Variants in CIC observed in about 807,000 individuals in gnomAD.
The protein encoded by CIC is protein capicua homolog.
CIC carries 18 observed loss-of-function variants against 115.7 expected under a neutral mutation model. The observed-to-expected ratio is 0.16, with a 90% CI of 0.11 to 0.23. CIC has a LOEUF of 0.23. Ranked by LOEUF, CIC falls within the 10% of genes least tolerant of loss-of-function variation. The pLI, the probability that CIC is intolerant of heterozygous loss-of-function variation, is 1.00. For missense variants in CIC, 2,000 were observed against 2,159.3 expected (o/e 0.93, Z 1.46); for synonymous variants, 1,076 against 923.0 (o/e 1.17, Z -3.01).
chr19:42,294,978 GC>G lies in CIC; in HGVS notation c.7347del (p.Thr2450LeufsTer79). The stretch of plus-strand genomic sequence containing the variant: ...GAGCTGAGGCTCCTCTCCCTGTACC[GC>G]CCCCCACTGGCACCGCTGCTGCCCC... ...PGAEAPLPVP[P>X]PTGTAAAPAP... On this transcript the variant is annotated frameshift_variant, in exon 21 of 21. Coordinates refer to ENST00000681038, the MANE Select transcript of CIC (RefSeq NM_001386298.1). LOFTEE classifies it high-confidence loss of function. 2.5e-6 allele frequency: 4 copies of G among 1,597,326 alleles called. No individual in the cohort carries two copies. The highest frequency in any genetic ancestry group is 1.7e-6 in the Non-Finnish European group (2 of 1,179,036).
chr19:42,274,045 C>T lies in CIC; in HGVS notation c.2262C>T (p.His754=). Residue 754 remains histidine, a synonymous_variant, in exon 2 of 21, where the codon CAC becomes CAT. Coordinates refer to ENST00000681038, the MANE Select transcript of CIC (RefSeq NM_001386298.1). ...ACTCTGGTGTGGACTCAGTGTCCCA[C>T]ACACCTACACCCTCCACGCCGGCTG... ...SLDSGVDSVS[H]TPTPSTPAGF... is the part of the protein sequence containing the mutation. 2.5e-6 allele frequency: 1 copy of T among 398,862 alleles called. No homozygotes were observed. Among genetic ancestry groups the T allele is most frequent in the Non-Finnish European group, 4.4e-6 (1 of 226,182 alleles). The allele number at this position is 398,862 out of a possible 1,614,324, so 24.7% of individuals were successfully genotyped here. A position where few individuals can be genotyped will look rare whatever the true frequency, so the allele number is the denominator to read the frequency against.
chr19:42,278,557 C>T (rs1330056993), intron 2 of CIC, among the ~76,000 whole-genome samples: 1 of 152,182 alleles, frequency 6.6e-6, no homozygotes, highest in East Asian at 1.9e-4. Context: ...TTTCAGCCCA[C>T]CCTCTTTCTG....
chr19:42,274,179 T>C lies in CIC; in HGVS notation c.2396T>C (p.Val799Ala). 2.5e-6 allele frequency: 1 copy of C among 399,092 alleles called. No individual in the cohort carries two copies. Among genetic ancestry groups the C allele is most frequent in the South Asian group, 1.3e-4 (1 of 7,904 alleles). 24.7% of individuals were successfully genotyped at this position (399,092 alleles called of 1,614,324 possible). A position where few individuals can be genotyped will look rare whatever the true frequency, so the allele number is the denominator to read the frequency against. Residue 799 changes from valine to alanine, a missense_variant, in exon 2 of 21, where the codon GTG becomes GCG. Around this residue, in one of 8 missense-constraint regions of CIC, gnomAD observed 222 missense variants for 247.7 expected, o/e 0.90. Transcript: ENST00000681038. ...CTGACCTCGGATCCAGGGCCCTCTGTGCGCAGGGTGCCTGCTGTGCAGCGG... is the reference window on the plus strand; with the variant it reads ...CTGACCTCGGATCCAGGGCCCTCTGCGCGCAGGGTGCCTGCTGTGCAGCGG... The part of the protein sequence containing the change: ...AGLTSDPGPS[V>A]RRVPAVQRDS...
Position 42,289,836 on chromosome 19 carries a change from C to T in CIC, c.4088-12C>T. On this transcript the variant is annotated splice_polypyrimidine_tract_variant and intron_variant, in intron 9 of 20. Coordinates refer to ENST00000681038, the MANE Select transcript of CIC (RefSeq NM_001386298.1). ...TAGCCCCCTCCCCATACTGTTCCCT[C>T]CACTCCCTCAGCTGACGATGGCTTC... 6.3e-7 allele frequency: 1 copy of T among 1,581,096 alleles called. No homozygotes were observed. The highest frequency in any genetic ancestry group is 1.2e-5 in the South Asian group (1 of 86,438).
chr19:42,272,265 G>A lies in CIC; in HGVS notation c.482G>A (p.Arg161His), dbSNP rs1475690172. 3.5e-5 allele frequency: 14 copies of A among 398,610 alleles called. No homozygotes were observed. Among genetic ancestry groups the A allele is most frequent in the Non-Finnish European group, 4.9e-5 (11 of 226,070 alleles). 24.7% of individuals were successfully genotyped at this position (398,610 alleles called of 1,614,324 possible). ...GVPPRPPTST[R>H]SSSTDTASEH... ...CCTCCACGGCCACCCACCTCCACTC[G>A]TTCCTCCTCCACTGACACAGCCAGC... The change falls in exon 2 of 21, where the codon CGT (arginine) becomes CAT (histidine). Residue 161 changes from arginine (R) to histidine (H), a missense_variant. Physicochemically the swap from Arg to His is conservative, Grantham distance 29 (BLOSUM62 0). Transcript: ENST00000681038.
rs1783037789 is a variant in CIC at position 42,289,310 on chromosome 19, C to A, written c.3991C>A (p.Arg1331=). ...ATGRPPLLPT[R]ASRSQRAASE... ...TGGGCGGCCCCCGCTGCTGCCCACC[C>A]GAGCTTCTCGTTCTCAGCGTGCGGC... The change falls in exon 9 of 21, where the codon CGA becomes AGA. Residue 1331 remains arginine, a synonymous_variant. Transcript: ENST00000681038. The A allele has an allele frequency of 1.2e-6, 2 of 1,614,062 alleles. No homozygotes were observed. The highest frequency in any genetic ancestry group is 1.7e-4 in the Middle Eastern group (1 of 6,006).
rs774194305 is a variant in CIC at position 42,293,749 on chromosome 19, C to T, written c.6680C>T (p.Thr2227Ile). The change falls in exon 17 of 21, where the codon ACC becomes ATC. Residue 2227 changes from threonine (T) to isoleucine (I), a missense_variant. Physicochemically the swap from Thr to Ile is moderately conservative, Grantham distance 89 (BLOSUM62 -1). Around this residue, in one of 8 missense-constraint regions of CIC, gnomAD observed 1,466 missense variants for 1,390.4 expected, o/e 1.05. Coordinates refer to ENST00000681038, the MANE Select transcript of CIC (RefSeq NM_001386298.1). ...AGCAGTGGGCGGGCAGCCGGGGACA[C>T]CCCGGAGCGCAAGGAGGCGGCTGGT... is the stretch of plus-strand genomic sequence containing the variant. ...ESSSGRAAGD[T>I]PERKEAAGTG... 2.5e-6 allele frequency: 4 copies of T among 1,612,834 alleles called. No individual in the cohort carries two copies. Among genetic ancestry groups the T allele is most frequent in the East Asian group, 2.2e-5 (1 of 44,880 alleles).
At position 42,295,265 on chromosome 19, in the gene CIC, ATCTCC is replaced by A; in HGVS notation, c.*77_*81del. 1 of 1,342,388 alleles carries A rather than the reference ATCTCC, an allele frequency of 7.4e-7. No homozygotes were observed. The highest frequency in any genetic ancestry group is 1.5e-5 in the African/African-American group (1 of 68,908). 83.2% of individuals were successfully genotyped at this position (1,342,388 alleles called of 1,614,324 possible). On this transcript the variant is annotated 3_prime_UTR_variant, in exon 21 of 21. Coordinates refer to ENST00000681038, the MANE Select transcript of CIC (RefSeq NM_001386298.1). Reference sequence around the variant, plus strand: ...GACAGTATGTGGGGGCAGGAAGGTTATCTCCTCCCGGGTAAAGCCATTTCGTCCTC... The same window carrying A: ...GACAGTATGTGGGGGCAGGAAGGTTATCCCGGGTAAAGCCATTTCGTCCTC...
In CIC at chr19:42,292,759, C is replaced by T; in HGVS notation, c.6096C>T (p.Ala2032=). 1.2e-6 allele frequency: 2 copies of T among 1,613,804 alleles called. No homozygotes were observed. Among genetic ancestry groups the T allele is most frequent in the Non-Finnish European group, 1.7e-6 (2 of 1,179,952 alleles). Reference sequence around the variant, plus strand: ...CCCCAAGCCTGGTCTACACTGTGGCCACCAGCACAACCCCACCTGCAGCCA... The same window carrying T: ...CCCCAAGCCTGGTCTACACTGTGGCTACCAGCACAACCCCACCTGCAGCCA... ...QAPPSLVYTV[A]TSTTPPAATI... The change falls in exon 15 of 21, where the codon GCC becomes GCT. Residue 2032 remains alanine, a synonymous_variant. Coordinates refer to ENST00000681038, the MANE Select transcript of CIC (RefSeq NM_001386298.1).
chr19:42,295,160 C>T lies in CIC; in HGVS notation c.7523C>T (p.Pro2508Leu), dbSNP rs1262694691. The T allele has an allele frequency of 2.7e-6, 4 of 1,501,584 alleles. No individual in the cohort carries two copies. The highest frequency in any genetic ancestry group is 3.5e-6 in the Non-Finnish European group (4 of 1,127,886). 93.0% of individuals were successfully genotyped at this position (1,501,584 alleles called of 1,614,324 possible). A position where few individuals can be genotyped will look rare whatever the true frequency, so the allele number is the denominator to read the frequency against. Residue 2508 changes from proline (P) to leucine (L), a missense_variant, in exon 21 of 21, where the codon CCA becomes CTA. This residue lies in a region of CIC where 133 missense variants were observed against 116.0 expected (regional missense o/e 1.15). Transcript: ENST00000681038. ...EGAPQPSPPP[P>L]GPSTAATGR The stretch of plus-strand genomic sequence containing the variant: ...GCTCCCCAGCCCTCCCCCCCACCCC[C>T]AGGTCCCTCCACAGCTGCCACAGGC...
At chr19:42,288,414 C>T (rs538388708) in intron 7 of CIC, among the ~76,000 whole-genome samples, 1 of 152,334 alleles carries the variant, frequency 6.6e-6, no homozygotes, top group South Asian at 2.1e-4. Context: ...CGCAAACACC[C>T]CTGATGGGCT....
At chr19:42,277,874 G>C (rs546963535) in intron 2 of CIC, among the ~76,000 whole-genome samples, 3 of 152,360 alleles carry the variant, frequency 2.0e-5, no homozygotes, top group Non-Finnish European at 4.4e-5. Flanking sequence ...TGAACAGCCT[G>C]CCCTTTCATT....
At position 42,287,895 on chromosome 19, in the gene CIC, C is replaced by T. The variant is rs1432205915; in HGVS notation, c.3578C>T (p.Thr1193Met). The T allele has an allele frequency of 1.1e-5, 18 of 1,610,406 alleles. No homozygotes were observed. The highest frequency in any genetic ancestry group is 5.1e-5 in the Admixed American group (3 of 59,300). Residue 1193 changes from threonine to methionine, a missense_variant, in exon 7 of 21, where the codon ACG becomes ATG. Transcript: ENST00000681038. This position sits in a 1 kb window ranked among gnomAD's most constrained non-coding sequence, Gnocchi z 8.7. ...RKKSSSEAKPTSLGLAGGHKE... is the reference protein window; with the variant it reads ...RKKSSSEAKPMSLGLAGGHKE... ...AAGTCCAGCTCAGAGGCCAAGCCCA[C>T]GAGCCTGGGGCTGGCAGGAGGGCAC...
At chr19:42,285,409 G>A (rs2037562292) in intron 2 of CIC, among the ~76,000 whole-genome samples, 1 of 152,196 alleles carries the variant, frequency 6.6e-6, no homozygotes, top group African/African-American at 2.4e-5. Context: ...GGAGGGCCCA[G>A]CGGGTTTTCA....
chr19:42,289,928 G>T lies in CIC; in HGVS notation c.4168G>T (p.Gly1390Trp). Residue 1390 changes from glycine to tryptophan, a missense_variant, in exon 10 of 21, where the codon GGG (glycine) becomes TGG (tryptophan). Gly to Trp is a radical substitution (Grantham distance 184, BLOSUM62 -2). This residue lies in a region of CIC where 1,466 missense variants were observed against 1,390.4 expected (regional missense o/e 1.05). Coordinates refer to ENST00000681038, the MANE Select transcript of CIC (RefSeq NM_001386298.1). ...CGACAGCGAGAGTGGGGACAGCTCT[G>T]GGGAGGACCCAGAGGGCAACAAGGT... Reference protein sequence around the residue: ...VTDSESGDSSGEDPEGNKGFG... With the variant: ...VTDSESGDSSWEDPEGNKGFG... The T allele has an allele frequency of 6.2e-7, 1 of 1,607,960 alleles. No homozygotes were observed. The highest frequency in any genetic ancestry group is 2.2e-5 in the East Asian group (1 of 44,698).
chr19:42,278,429 C>G (rs778911441), intron 2 of CIC, among the ~76,000 whole-genome samples: 5 of 152,232 alleles, frequency 3.3e-5, no homozygotes, highest in Non-Finnish European at 5.9e-5. Context: ...TCTCCTATTT[C>G]TAGGTCTATA....
Position 42,273,537 on chromosome 19 carries a change from C to T in CIC, c.1754C>T (p.Ala585Val). 1 of 398,526 alleles carries T rather than the reference C, an allele frequency of 2.5e-6. No homozygotes were observed. Among genetic ancestry groups the T allele is most frequent in the Non-Finnish European group, 4.4e-6 (1 of 225,992 alleles). 24.7% of individuals were successfully genotyped at this position (398,526 alleles called of 1,614,324 possible). A position where few individuals can be genotyped will look rare whatever the true frequency, so the allele number is the denominator to read the frequency against. The change falls in exon 2 of 21, where the codon GCC (alanine) becomes GTC (valine). Residue 585 changes from alanine to valine, a missense_variant. Physicochemically the swap from Ala to Val is moderately conservative, Grantham distance 64 (BLOSUM62 0). Transcript: ENST00000681038. ...ARGDSRPRLV[A>V]PADLSRFEFD... ...GGAGACTCACGGCCACGCCTGGTGG[C>T]CCCTGCTGACTTGTCACGCTTTGAG...
At position 42,272,311 on chromosome 19, in the gene CIC, G is replaced by A; in HGVS notation, c.528G>A (p.Glu176=). 2 of 398,608 alleles carry A rather than the reference G, an allele frequency of 5.0e-6. No homozygotes were observed. The highest frequency in any genetic ancestry group is 8.8e-6 in the Non-Finnish European group (2 of 226,040). The allele number at this position is 398,608 out of a possible 1,614,324, so 24.7% of individuals were successfully genotyped here. A position where few individuals can be genotyped will look rare whatever the true frequency, so the allele number is the denominator to read the frequency against. Reference sequence around the variant, plus strand: ...CCAGCGAGCACTCGGCGGACCTGGAGGATGAGCCGGCTGAGGCTTGTGGTC... The same window carrying A: ...CCAGCGAGCACTCGGCGGACCTGGAAGATGAGCCGGCTGAGGCTTGTGGTC... ...DTASEHSADL[E]DEPAEACGPG... is the part of the protein sequence containing the mutation. The change falls in exon 2 of 21, where the codon GAG becomes GAA. Residue 176 remains glutamate, a synonymous_variant. Transcript: ENST00000681038.
In CIC at chr19:42,289,291, G is replaced by A; in HGVS notation, c.3972G>A (p.Arg1324=). 6.2e-7 allele frequency: 1 copy of A among 1,613,854 alleles called. No homozygotes were observed. Among genetic ancestry groups the A allele is most frequent in the Non-Finnish European group, 8.5e-7 (1 of 1,180,020 alleles). ...GAGGTGCCTTGGCGGCCACTGGGCG[G>A]CCCCCGCTGCTGCCCACCCGAGCTT... ...GEGGALAATG[R]PPLLPTRASR... The change falls in exon 9 of 21, where the codon CGG becomes CGA. Residue 1324 remains arginine (R), a synonymous_variant. Transcript: ENST00000681038.
Sources: gnomAD v4.1 joint callset for allele counts (sites outside exome capture counted in the v4.1 genomes callset) on GRCh38, gnomAD v4.1.1 for gene constraint, gnomAD v4.1.1 regional missense constraint, Gnocchi (gnomAD v3.1) non-coding constraint, MANE v1.5 for transcripts, NCBI Gene and HGNC (gene_info 2026-07-23, HGNC 2026-07-21) for gene names.